SIRPB1: variants seen among roughly 807,000 people sequenced by gnomAD.
SIRPB1 encodes the protein signal-regulatory protein beta-1.
A neutral mutation model predicts 34.1 loss-of-function variants in SIRPB1; 28 were observed. The observed-to-expected ratio is 0.82, with a 90% CI of 0.61 to 1.12. The LOEUF is 1.12. SIRPB1 is among the 50% of genes most tolerant of loss of function. The pLI, the probability that SIRPB1 is intolerant of heterozygous loss-of-function variation, is 0.00. For synonymous variants in SIRPB1, 211 were observed against 203.8 expected (o/e 1.04, Z -0.30); for missense variants, 499 against 507.0 (o/e 0.98, Z 0.15).
In SIRPB1 at chr20:1,562,688, C is replaced by CAGT. The variant is rs1409504176; in HGVS notation, c.*2809_*2811dup. 6.6e-6 allele frequency among the ~76,000 whole-genome samples: 1 copy of CAGT among 152,204 alleles called. No individual in the cohort carries two copies. Among genetic ancestry groups the CAGT allele is most frequent in the African/African-American group, 2.4e-5 (1 of 41,448 alleles). On this transcript the variant is annotated 3_prime_UTR_variant, in exon 6 of 6. Coordinates refer to ENST00000381605, the MANE Select transcript of SIRPB1 (RefSeq NM_006065.5). ...CATGGTAATAAAAGCTCGTCATGAT[C>CAGT]AGTAACCAGTCATGTTGTGTCTTTC...
chr20:1,568,920 A>G (rs1480237911), intron 4 of SIRPB1, among the ~76,000 whole-genome samples: 16 of 152,342 alleles, frequency 1.1e-4, no homozygotes, highest in Non-Finnish European at 7.3e-5. Flanking sequence ...GAAAACACCA[A>G]TAAAATGGGA....
At chr20:1,571,168 T>C in intron 3 of SIRPB1, 31 bp from the exon 4 acceptor site, 1 of 1,590,806 alleles carries the variant, frequency 6.3e-7, no homozygotes, top group East Asian at 2.2e-5. Flanking sequence ...AGCTCTGATC[T>C]TGTGGCACAG....
Position 1,601,323 on chromosome 20 carries a change from C to A in SIRPB1, c.76+18546G>T, listed in dbSNP as rs2091475395. 4.1e-5 allele frequency among the ~76,000 whole-genome samples: 2 copies of A among 48,798 alleles called. 1 individual carries two copies. Among genetic ancestry groups the A allele is most frequent in the Non-Finnish European group, 7.9e-5 (2 of 25,314 alleles). 32.0% of individuals were successfully genotyped at this position (48,798 alleles called of 152,430 possible). On this transcript the variant is annotated intron_variant, in intron 1 of 5. Coordinates refer to ENST00000381605, the MANE Select transcript of SIRPB1 (RefSeq NM_006065.5). ...GGGAATGTTTGGGTCAAAGCACTTA[C>A]AGATCATCAGCCATCTTCTGAGTTT...
chr20:1,568,074 A>G (rs1333143011), intron 4 of SIRPB1, among the ~76,000 whole-genome samples: 2 of 152,234 alleles, frequency 1.3e-5, no homozygotes, highest in African/African-American at 4.8e-5. Context: ...TTTGGGTCAA[A>G]CCACTCAAAG....
chr20:1,613,829 A>C (rs1404442605), intron 1 of SIRPB1, among the ~76,000 whole-genome samples: 1 of 152,354 alleles, frequency 6.6e-6, no homozygotes, highest in East Asian at 1.9e-4. Flanking sequence ...ATTTGAAGAC[A>C]TAGTGGACAA....
At chr20:1,578,155 C>G (rs942365846) in intron 2 of SIRPB1, 183 bp downstream of exon 2, 5 of 672,188 alleles carry the variant, frequency 7.4e-6, no homozygotes, top group Admixed American at 2.8e-5. Flanking sequence ...CGTGGAGCCT[C>G]GAGCGACTGC....
At chr20:1,576,625 G>A (rs1304676877) in intron 2 of SIRPB1, among the ~76,000 whole-genome samples, 1 of 148,402 alleles carries the variant, frequency 6.7e-6, no homozygotes, top group Non-Finnish European at 1.5e-5. Context: ...TTTGAAGTGG[G>A]GCCAGGCATG....
intron 4 of SIRPB1, among the ~76,000 whole-genome samples, chr20:1,569,652 C>G (rs183892729): frequency 2.0e-5 from 3 of 152,208 alleles, no homozygotes; most frequent in South Asian, 2.1e-4. Context: ...TTGGAAGGAA[C>G]CTGAGTCCTT....
chr20:1,568,595 A>G (rs1454516875), intron 4 of SIRPB1, among the ~76,000 whole-genome samples: 1 of 152,212 alleles, frequency 6.6e-6, no homozygotes, highest in East Asian at 1.9e-4. Context: ...GAGAACTTCC[A>G]AGGTGGAAGA....
intron 2 of SIRPB1, among the ~76,000 whole-genome samples, chr20:1,576,645 G>A (rs1272572782): frequency 1.3e-5 from 2 of 148,468 alleles, no homozygotes; most frequent in African/African-American, 2.4e-5. Context: ...GGTGGCTCAC[G>A]CCTGTAATCC....
Position 1,561,510 on chromosome 20 carries a change from C to A in SIRPB1, c.*3990G>T, listed in dbSNP as rs1427817247. Among the ~76,000 whole-genome samples the A allele has an allele frequency of 6.6e-6, 1 of 152,162 alleles. No homozygotes were observed. On this transcript the variant is annotated 3_prime_UTR_variant, in exon 6 of 6. Transcript: ENST00000381605. Reference sequence around the variant, plus strand: ...TCATATCTCCTCAAGCTTCTCTTGGCTATGACAGTTTTTTAGACTTTCCTT... The same window carrying A: ...TCATATCTCCTCAAGCTTCTCTTGGATATGACAGTTTTTTAGACTTTCCTT...
Position 1,580,005 on chromosome 20 carries a change from A to G in SIRPB1, c.77-1311T>C, listed in dbSNP as rs2091379344. On this transcript the variant is annotated intron_variant, in intron 1 of 5. Transcript: ENST00000381605. Reference sequence around the variant, plus strand: ...AGCACATTTTAGGTGCTGTTGACATACAACACATGCAGCATAACTATGGGA... The same window carrying G: ...AGCACATTTTAGGTGCTGTTGACATGCAACACATGCAGCATAACTATGGGA... 3.4e-5 allele frequency among the ~76,000 whole-genome samples: 5 copies of G among 148,594 alleles called. 1 individual carries two copies. The South Asian group carries it at 1.1e-3, about 31-fold the overall frequency.
At chr20:1,611,666 T>C (rs72484087) in intron 1 of SIRPB1, 442,732 of 969,908 alleles carry the variant, frequency 0.46, 145,327 homozygotes, top group East Asian at 0.76. Context: ...GCAACTGATA[T>C]GGACTTGTCA....
rs1250679613 is a variant in SIRPB1, at chr20:1,603,171, A to G, written c.76+16698T>C. On this transcript the variant is annotated intron_variant, in intron 1 of 5. Transcript: ENST00000381605. ...TCAACAATATCCCCCATTGCTTCCC[A>G]AGTCCTGGTTTCCCCTTCTGTAAAA... 1.2e-5 allele frequency: 2 copies of G among 164,894 alleles called. 1 individual carries two copies. Among genetic ancestry groups the G allele is most frequent in the Non-Finnish European group, 2.3e-5 (2 of 85,466 alleles). The allele number at this position is 164,894 out of a possible 1,614,324, so 10.2% of individuals were successfully genotyped here.
intron 1 of SIRPB1, among the ~76,000 whole-genome samples, chr20:1,616,804 T>C (rs1205235908): frequency 6.6e-6 from 1 of 152,102 alleles, no homozygotes; most frequent in Non-Finnish European, 1.5e-5. Context: ...ATGCATCTAA[T>C]GAAAAGTCAA....
At chr20:1,619,676 G>A (rs1172269641) in intron 1 of SIRPB1, among the ~76,000 whole-genome samples, 193 bp downstream of exon 1, 1 of 152,182 alleles carries the variant, frequency 6.6e-6, no homozygotes, top group African/African-American at 2.4e-5. Flanking sequence ...TCGTCCTGTG[G>A]TTCAATGCCT....
chr20:1,619,823 G>A, intron 1 of SIRPB1, 46 bp downstream of exon 1: 1 of 1,385,902 alleles, frequency 7.2e-7, no homozygotes, highest in South Asian at 1.2e-5. Flanking sequence ...GACAGGCCAT[G>A]GCTCAGTGGG....
chr20:1,617,938 TACAC>T (rs546325470), intron 1 of SIRPB1, among the ~76,000 whole-genome samples: 1 of 152,118 alleles, frequency 6.6e-6, no homozygotes, highest in South Asian at 2.1e-4. Flanking sequence ...TACATATGTA[TACAC>T]ACATATGTAT....
intron 5 of SIRPB1, 27 bp downstream of exon 5, chr20:1,566,126 G>A: frequency 2.1e-6 from 3 of 1,462,008 alleles, no homozygotes; most frequent in Non-Finnish European, 2.8e-6. Flanking sequence ...AGGAGCCCTT[G>A]GTCAGTCCTC....
Sources: allele counts gnomAD v4.1 joint callset (sites outside exome capture counted in the v4.1 genomes callset), GRCh38; gene constraint gnomAD v4.1.1; transcripts MANE v1.5; gene names NCBI Gene and HGNC (gene_info 2026-07-23, HGNC 2026-07-21).